The following UNKL variants were observed in gnomAD, a reference collection of about 807,000 sequenced individuals.
UNKL encodes unk like zinc finger.
UNKL carries 60 observed loss-of-function variants against 78.0 expected under a neutral mutation model. The observed-to-expected ratio is 0.77, with a 90% CI of 0.63 to 0.95. UNKL has a LOEUF of 0.95. Ranked by LOEUF, UNKL falls within the 40% of genes least tolerant of loss-of-function variation. UNKL has a pLI of 0.00. For missense variants in UNKL, 1,159 were observed against 1,045.7 expected, an observed-to-expected ratio of 1.11 and a Z score of -1.49; for synonymous variants, 608 against 474.8, an observed-to-expected ratio of 1.28 and a Z score of -3.65.
chr16:1,405,922 TCCA>T (rs2037736972), intron 2 of UNKL: 2 of 454,600 alleles, frequency 4.4e-6, no homozygotes, highest in Non-Finnish European at 8.8e-6. Flanking sequence ...CCAAGGAGGG[TCCA>T]CCAGACCCCC....
rs533510655 is a variant in UNKL at position 1,401,378 on chromosome 16, TG to T, written c.598+189del. The T allele has an allele frequency of 2.3e-4, 151 of 645,308 alleles. No homozygotes were observed. In the African/African-American group the frequency reaches 2.6e-3, roughly 11 times the overall value. The allele number at this position is 645,308 out of a possible 1,614,324, so 40.0% of individuals were successfully genotyped here. A position where few individuals can be genotyped will look rare whatever the true frequency, so the allele number is the denominator to read the frequency against. ...CAGAGCAGGTGCGGGGGAAGGCGCC[TG>T]GGCCCAAATCCCACTCGGCACCCAC... On this transcript the variant is annotated intron_variant, in intron 4 of 14. Transcript: ENST00000389221.
intron 3 of UNKL, among the ~76,000 whole-genome samples, chr16:1,402,322 G>A (rs994574148): frequency 3.3e-5 from 5 of 152,224 alleles, no homozygotes; most frequent in African/African-American, 4.8e-5. Context: ...TCCGGGCCCA[G>A]AAGAGAAACA....
In UNKL at chr16:1,363,852, CCTCCAT is replaced by C. The variant is rs1188937031; in HGVS notation, c.*2382_*2387del. 22 of 152,516 alleles carry C rather than the reference CCTCCAT, an allele frequency of 1.4e-4. No homozygotes were observed. 9.4% of individuals were successfully genotyped at this position (152,516 alleles called of 1,614,324 possible). A position where few individuals can be genotyped will look rare whatever the true frequency, so the allele number is the denominator to read the frequency against. ...TACTGATCTAGGGGAGCAGGTGCCA[CCTCCAT>C]CTCCCAGCTGTCCCCCCACCCCTGG... is the stretch of plus-strand genomic sequence containing the variant. On this transcript the variant is annotated 3_prime_UTR_variant, in exon 15 of 15. Coordinates refer to ENST00000389221, the MANE Select transcript of UNKL (RefSeq NM_001372107.1).
chr16:1,398,679 G>GCGGGCCCC, intron 5 of UNKL: 5 of 1,356,194 alleles, frequency 3.7e-6, no homozygotes, highest in Non-Finnish European at 4.8e-6. Flanking sequence ...TGTGGGGTCT[G>GCGGGCCCC]CACCCCCCCA....
rs754484103 is a variant in UNKL at position 1,398,463 on chromosome 16, G to A, written c.734+911C>T. The stretch of plus-strand genomic sequence containing the variant: ...CTACAGCCGTTCAGGTCCTTTACTC[G>A]GAAGCTGCTCAGAGGGAGACTGAAC... On this transcript the variant is annotated intron_variant, in intron 5 of 14. Transcript: ENST00000389221. 65 of 1,145,152 alleles carry A rather than the reference G, an allele frequency of 5.7e-5. 1 individual carries two copies. The highest frequency in any genetic ancestry group is 1.8e-4 in the Admixed American group (4 of 22,042). The allele number at this position is 1,145,152 out of a possible 1,614,324, so 70.9% of individuals were successfully genotyped here.
Position 1,394,313 on chromosome 16 carries a change from A to G in UNKL, c.853-98T>C, listed in dbSNP as rs1008203438. The G allele has an allele frequency of 6.4e-6, 9 of 1,406,656 alleles. No homozygotes were observed. In the African/African-American group the frequency reaches 1.1e-4, roughly 18 times the overall value. 87.1% of individuals were successfully genotyped at this position (1,406,656 alleles called of 1,614,324 possible). ...CCCAAGGGAGAGGATTAAGCTCCAA[A>G]TCGTAACAAGACACCCCTGAAAAGG... On this transcript the variant is annotated intron_variant, in intron 6 of 14. Coordinates refer to ENST00000389221, the MANE Select transcript of UNKL (RefSeq NM_001372107.1).
chr16:1,377,795 G>A (rs554738923), intron 10 of UNKL, among the ~76,000 whole-genome samples: 113 of 152,268 alleles, frequency 7.4e-4, no homozygotes, highest in African/African-American at 2.6e-3. Context: ...CCCCACTGCA[G>A]GCCCTTCCCA....
At chr16:1,377,556 A>C (rs2036327309) in intron 10 of UNKL, among the ~76,000 whole-genome samples, 1 of 149,646 alleles carries the variant, frequency 6.7e-6, no homozygotes, top group African/African-American at 2.5e-5. Context: ...CACTCTGCCC[A>C]CCGCTGCCCC....
chr16:1,407,903 C>T (rs1567239310), intron 2 of UNKL, among the ~76,000 whole-genome samples: 1 of 151,524 alleles, frequency 6.6e-6, no homozygotes, highest in Admixed American at 6.6e-5. Context: ...ATTTTTTTTT[C>T]CCAATGAAAA....
At position 1,399,574 on chromosome 16, in the gene UNKL, AAAGGTGG is replaced by A. The variant is rs1270002375; in HGVS notation, c.599-72_599-66del. 1.6e-5 allele frequency: 24 copies of A among 1,544,198 alleles called. No homozygotes were observed. Among genetic ancestry groups the A allele is most frequent in the Non-Finnish European group, 2.6e-6 (3 of 1,149,006 alleles). ...GAAGCAATGCTGGGCAGAGGAGACC[AAAGGTGG>A]AAGGACCTGGCTGTCCCCCAAATGG... On this transcript the variant is annotated intron_variant, in intron 4 of 14. Coordinates refer to ENST00000389221, the MANE Select transcript of UNKL (RefSeq NM_001372107.1). This position sits in a 1 kb window ranked among gnomAD's most constrained non-coding sequence, Gnocchi z 5.8.
intron 2 of UNKL, among the ~76,000 whole-genome samples, chr16:1,408,115 C>CA (rs1287390769): frequency 2.6e-5 from 4 of 151,742 alleles, no homozygotes; most frequent in Admixed American, 6.6e-5. Flanking sequence ...AAAAGAAAAA[C>CA]AAAAAAAAGA....
At chr16:1,390,715 A>G (rs767231752) in intron 8 of UNKL, 21 bp from the exon 9 acceptor site, 332 of 1,535,694 alleles carry the variant, frequency 2.2e-4, no homozygotes, top group Middle Eastern at 3.3e-4. Flanking sequence ...AAAAACAGTC[A>G]TATGTGGAAA....
chr16:1,369,528 C>G (rs1011159149), intron 12 of UNKL, among the ~76,000 whole-genome samples: 1 of 152,136 alleles, frequency 6.6e-6, no homozygotes, highest in Non-Finnish European at 1.5e-5. Context: ...CACCACCACA[C>G]CCGGCTAATT....
Position 1,385,343 on chromosome 16 carries a change from T to TG in UNKL, c.1128dup (p.Ser377GlnfsTer54). On this transcript the variant is annotated frameshift_variant, in exon 10 of 15. Coordinates refer to ENST00000389221, the MANE Select transcript of UNKL (RefSeq NM_001372107.1). LOFTEE classifies it high-confidence loss of function. ...CTGGACGCCACGCTGGAGCTCACGC[T>TG]GGGGGCCGGCGGGTGGACCGCTGCA... 2 of 1,422,680 alleles carry TG rather than the reference T, an allele frequency of 1.4e-6. No homozygotes were observed. The highest frequency in any genetic ancestry group is 2.9e-5 in the South Asian group (2 of 69,646). The allele number at this position is 1,422,680 out of a possible 1,614,324, so 88.1% of individuals were successfully genotyped here.
Position 1,391,244 on chromosome 16 carries a change from AC to A in UNKL, c.1024-551del, listed in dbSNP as rs2037037382. 1.5e-3 allele frequency among the ~76,000 whole-genome samples: 4 copies of A among 2,742 alleles called. No homozygotes were observed. The Admixed American group carries it at 0.017, about 12-fold the overall frequency. 1.8% of individuals were successfully genotyped at this position (2,742 alleles called of 152,430 possible). A position where few individuals can be genotyped will look rare whatever the true frequency, so the allele number is the denominator to read the frequency against. Reference sequence around the variant, plus strand: ...TACTCTTGGTCCCTTAAAGATACACACACACACACACACACACACACACACA... The same window carrying A: ...TACTCTTGGTCCCTTAAAGATACACAACACACACACACACACACACACACA... On this transcript the variant is annotated intron_variant, in intron 8 of 14. Transcript: ENST00000389221.
chr16:1,374,897 G>A lies in UNKL; in HGVS notation c.1265-3286C>T, dbSNP rs548485602. On this transcript the variant is annotated intron_variant, in intron 10 of 14. Coordinates refer to ENST00000389221, the MANE Select transcript of UNKL (RefSeq NM_001372107.1). Reference sequence around the variant, plus strand: ...CAGACATTTTCAGCATAATCAGCAGGAAAGGCAGGAGGGTGACTTCTGAAG... The same window carrying A: ...CAGACATTTTCAGCATAATCAGCAGAAAAGGCAGGAGGGTGACTTCTGAAG... Among the ~76,000 whole-genome samples, 4 of 152,378 alleles carry A rather than the reference G, an allele frequency of 2.6e-5. No homozygotes were observed. The East Asian group carries it at 7.7e-4, about 29-fold the overall frequency.
rs547431557 is a variant in UNKL, at chr16:1,364,656, G to C, written c.*1584C>G. The C allele has an allele frequency of 1.8e-5, 1 of 55,690 alleles. No homozygotes were observed. The highest frequency in any genetic ancestry group is 8.8e-5 in the African/African-American group (1 of 11,306). The allele number at this position is 55,690 out of a possible 1,614,324, so 3.4% of individuals were successfully genotyped here. A position where few individuals can be genotyped will look rare whatever the true frequency, so the allele number is the denominator to read the frequency against. ...GCAGACGGGACAGGGGACCACAGCA[G>C]AGCCGGGACCTGGGGGGGGTCGCTT... On this transcript the variant is annotated 3_prime_UTR_variant, in exon 15 of 15. Transcript: ENST00000389221.
intron 14 of UNKL, 141 bp from the exon 15 acceptor site, chr16:1,366,536 C>T: frequency 2.8e-6 from 3 of 1,078,968 alleles, no homozygotes; most frequent in Non-Finnish European, 1.3e-6. Context: ...GGGAGACGCC[C>T]CAGCCAGGGC....
At chr16:1,407,751 C>A (rs1477919413) in intron 2 of UNKL, among the ~76,000 whole-genome samples, 1 of 151,576 alleles carries the variant, frequency 6.6e-6, no homozygotes, top group Non-Finnish European at 1.5e-5. Flanking sequence ...AAAGTGGCAC[C>A]ACAGGAATGG....
Sources: allele counts gnomAD v4.1 joint callset (sites outside exome capture counted in the v4.1 genomes callset), GRCh38; gene constraint gnomAD v4.1.1; non-coding constraint Gnocchi (gnomAD v3.1); transcripts MANE v1.5; gene names NCBI Gene and HGNC (gene_info 2026-07-23, HGNC 2026-07-21).